The following HACL2 variants were observed in gnomAD, a reference collection of about 807,000 sequenced individuals.
HACL2 encodes the protein 2-hydroxyacyl-CoA lyase 1 like.
the HACL2 span, among the ~76,000 whole-genome samples, chr19:15,122,477 T>C: frequency 6.6e-6 from 1 of 152,016 alleles, no homozygotes; most frequent in Non-Finnish European, 1.5e-5. This position sits in a 1 kb window ranked among gnomAD's most constrained non-coding sequence, Gnocchi z 4.0. Context: ...GCCTCTCCCC[T>C]TTGCTGCCTC....
At chr19:15,119,424 T>C in the HACL2 span, 1 of 1,614,136 alleles carries the variant, frequency 6.2e-7, no homozygotes, top group Admixed American at 1.7e-5. Flanking sequence ...TCACCGAAGC[T>C]TGTCGGCAGA....
At chr19:15,118,131 C>T in the HACL2 span, 1 of 1,315,920 alleles carries the variant, frequency 7.6e-7, no homozygotes, top group South Asian at 1.3e-5. Context: ...TCTCCCTGCA[C>T]CTGTGCCACC....
chr19:15,115,591 G>A, the HACL2 span: 22 of 1,613,646 alleles, frequency 1.4e-5, 1 homozygote, highest in South Asian at 1.9e-4. Context: ...CACAGGCCAC[G>A]TTGCTGCCCA....
chr19:15,122,980 G>A, the HACL2 span: 1 of 1,603,384 alleles, frequency 6.2e-7, no homozygotes, highest in Non-Finnish European at 8.5e-7. The surrounding 1 kb of genome is among the most constrained non-coding windows in gnomAD (Gnocchi z 4.0). Context: ...AAAACTTACA[G>A]AGTGGCCGGA....
chr19:15,119,927 C>T, the HACL2 span: 1 of 1,231,384 alleles, frequency 8.1e-7, no homozygotes, highest in South Asian at 1.4e-5. Flanking sequence ...GTCAGGGGGC[C>T]CTCTCCCCTC....
chr19:15,120,917 G>C, the HACL2 span, among the ~76,000 whole-genome samples: 41,979 of 151,886 alleles, frequency 0.28, 6,051 homozygotes, highest in Middle Eastern at 0.4. Flanking sequence ...GGGTGATAGA[G>C]TGAGGCCCTG....
the HACL2 span, chr19:15,118,055 T>C: frequency 6.2e-7 from 1 of 1,612,466 alleles, no homozygotes; most frequent in South Asian, 1.1e-5. Context: ...AGAGGCCCCA[T>C]GTCGTCTACC....
the HACL2 span, chr19:15,115,451 G>A: frequency 5.3e-5 from 86 of 1,610,722 alleles, no homozygotes; most frequent in South Asian, 4.5e-4. Flanking sequence ...AGATTAAGTC[G>A]GATAGTGGCA....
the HACL2 span, chr19:15,115,907 A>T: frequency 6.2e-7 from 1 of 1,614,152 alleles, no homozygotes; most frequent in Non-Finnish European, 8.5e-7. Flanking sequence ...CTCCGTCCCC[A>T]AACAGGCACC....
At chr19:15,116,120 G>C in the HACL2 span, 1 of 1,613,128 alleles carries the variant, frequency 6.2e-7, no homozygotes, top group Admixed American at 1.7e-5. Flanking sequence ...GATGGATGGT[G>C]CCCACTGCCC....
the HACL2 span, chr19:15,123,630 C>A: frequency 6.4e-7 from 1 of 1,556,184 alleles, no homozygotes; most frequent in Admixed American, 1.7e-5. This position sits in a 1 kb window ranked among gnomAD's most constrained non-coding sequence, Gnocchi z 5.1. Context: ...CAGAGGGCAG[C>A]TGGGAAAGGG....
the HACL2 span, chr19:15,124,972 G>A: frequency 1.2e-6 from 2 of 1,607,438 alleles, no homozygotes; most frequent in Admixed American, 1.7e-5. Context: ...GCGGCGCCCA[G>A]CAAGGCGGCC....
At chr19:15,116,975 A>G in the HACL2 span, 1 of 181,802 alleles carries the variant, frequency 5.5e-6, no homozygotes, top group African/African-American at 2.4e-5. Flanking sequence ...GGCTCTGAGA[A>G]GGTGAGGCTC....
chr19:15,116,401 G>A, the HACL2 span: 1 of 1,613,796 alleles, frequency 6.2e-7, no homozygotes, highest in African/African-American at 1.3e-5. Flanking sequence ...CTCCACCCAG[G>A]CCCCACCGAA....
chr19:15,123,171 T>C, the HACL2 span: 1 of 1,614,020 alleles, frequency 6.2e-7, no homozygotes, highest in Non-Finnish European at 8.5e-7. The surrounding 1 kb of genome is among the most constrained non-coding windows in gnomAD (Gnocchi z 5.1). Flanking sequence ...CTGAGCCATC[T>C]GAGCATTCTT....
the HACL2 span, among the ~76,000 whole-genome samples, chr19:15,122,394 G>A: frequency 3.3e-5 from 5 of 151,796 alleles, no homozygotes; most frequent in African/African-American, 1.2e-4. The surrounding 1 kb of genome is among the most constrained non-coding windows in gnomAD (Gnocchi z 4.0). Flanking sequence ...GAAGAGGGAG[G>A]AGGAAGAGGA....
chr19:15,115,719 T>TGGC, the HACL2 span: 1 of 1,590,222 alleles, frequency 6.3e-7, no homozygotes, highest in Non-Finnish European at 8.6e-7. Flanking sequence ...CCCCATGGCT[T>TGGC]GGCCAGCCAG....
chr19:15,121,430 G>A, the HACL2 span, among the ~76,000 whole-genome samples: 1 of 152,186 alleles, frequency 6.6e-6, no homozygotes, highest in East Asian at 1.9e-4. Flanking sequence ...GGAAAGGAAG[G>A]GCCAAGGACA....
chr19:15,116,120 G>GC, the HACL2 span: 13 of 1,613,010 alleles, frequency 8.1e-6, no homozygotes, highest in Non-Finnish European at 1.1e-5. Flanking sequence ...GATGGATGGT[G>GC]CCCACTGCCC....
Sources: gnomAD v4.1 joint callset for allele counts (sites outside exome capture counted in the v4.1 genomes callset) on GRCh38, gnomAD v4.1.1 for gene constraint, Gnocchi (gnomAD v3.1) non-coding constraint, MANE v1.5 for transcripts, NCBI Gene and HGNC (gene_info 2026-07-23, HGNC 2026-07-21) for gene names.